EXOC4: variants seen among roughly 807,000 people sequenced by gnomAD.
The protein encoded by EXOC4 is exocyst complex component 4, also known as SEC8-like 1.
EXOC4 carries 71 observed loss-of-function variants against 107.2 expected under a neutral mutation model. That is an observed-to-expected ratio of 0.66 (90% confidence interval 0.55 to 0.81). EXOC4 has a LOEUF of 0.81. Ranked by LOEUF, EXOC4 falls within the 30% of genes least tolerant of loss-of-function variation. The pLI, the probability that EXOC4 is intolerant of heterozygous loss-of-function variation, is 0.00. For synonymous variants in EXOC4, 456 were observed against 441.2 expected, an observed-to-expected ratio of 1.03 and a Z score of -0.42; for missense variants, 1,108 against 1,189.6, an observed-to-expected ratio of 0.93 and a Z score of 1.01.
chr7:133,360,547 C>T (rs1796114734), intron 6 of EXOC4, among the ~76,000 whole-genome samples: 1 of 152,162 alleles, frequency 6.6e-6, no homozygotes. Flanking sequence ...TTAAAAGGTT[C>T]ATTGACTTCT....
chr7:133,267,574 C>T (rs993895945), intron 1 of EXOC4, among the ~76,000 whole-genome samples: 3 of 152,130 alleles, frequency 2.0e-5, no homozygotes, highest in African/African-American at 7.2e-5. Flanking sequence ...TTGGCTTTTG[C>T]GTAGCTGTTA....
intron 8 of EXOC4, among the ~76,000 whole-genome samples, chr7:133,476,913 G>A (rs1459383066): frequency 2.0e-5 from 3 of 152,154 alleles, no homozygotes; most frequent in African/African-American, 7.2e-5. Flanking sequence ...TTGCGATCAC[G>A]AGGTGTATCC....
chr7:133,468,337 T>C (rs971608279), intron 7 of EXOC4, among the ~76,000 whole-genome samples: 6 of 124,412 alleles, frequency 4.8e-5, no homozygotes, highest in African/African-American at 1.9e-4. Context: ...TTTCCTTTCC[T>C]TTCCTTACTG....
intron 15 of EXOC4, among the ~76,000 whole-genome samples, chr7:134,003,871 C>T (rs1293599104): frequency 4.6e-5 from 7 of 152,128 alleles, no homozygotes; most frequent in Non-Finnish European, 1.0e-4. Flanking sequence ...ATACCCACCT[C>T]AGACTTCCTC....
intron 10 of EXOC4, among the ~76,000 whole-genome samples, chr7:133,640,108 T>C (rs1272920176): frequency 1.3e-5 from 2 of 152,288 alleles, no homozygotes; most frequent in East Asian, 3.9e-4. Context: ...TACATGTGTA[T>C]ACATAAGTGT....
At chr7:133,480,399 A>G (rs2150859252) in intron 9 of EXOC4, 1 of 1,255,470 alleles carries the variant, frequency 8.0e-7, no homozygotes, top group Non-Finnish European at 1.0e-6. Flanking sequence ...CGTCTTGCTT[A>G]AACAGAAGAC....
intron 2 of EXOC4, among the ~76,000 whole-genome samples, chr7:133,283,408 C>A (rs1438435065): frequency 6.6e-6 from 1 of 152,170 alleles, no homozygotes; most frequent in African/African-American, 2.4e-5. Flanking sequence ...GAATGGTATT[C>A]CATTGTGCTT....
chr7:133,595,607 T>C (rs1182154596), intron 9 of EXOC4, among the ~76,000 whole-genome samples: 3 of 152,220 alleles, frequency 2.0e-5, no homozygotes, highest in African/African-American at 7.2e-5. Flanking sequence ...TTAATCCTTG[T>C]TATAGCCTTA....
At chr7:133,383,771 G>A (rs1047557243) in intron 7 of EXOC4, among the ~76,000 whole-genome samples, 8 of 152,090 alleles carry the variant, frequency 5.3e-5, no homozygotes, top group African/African-American at 1.2e-4. Flanking sequence ...GCCAGAAAAC[G>A]TATGAGAGTA....
intron 3 of EXOC4, among the ~76,000 whole-genome samples, chr7:133,297,481 C>T (rs1013862270): frequency 1.3e-5 from 2 of 152,168 alleles, no homozygotes; most frequent in Admixed American, 6.6e-5. Context: ...GATTTAAAAG[C>T]AAGAAGTTCT....
At chr7:133,612,409 G>T (rs1208877774) in intron 9 of EXOC4, among the ~76,000 whole-genome samples, 1 of 152,138 alleles carries the variant, frequency 6.6e-6, no homozygotes, top group Non-Finnish European at 1.5e-5. Context: ...TTACTCAGAA[G>T]GAGGTAGTTG....
chr7:133,446,091 C>CT (rs1798213799), intron 7 of EXOC4, among the ~76,000 whole-genome samples: 1 of 149,890 alleles, frequency 6.7e-6, no homozygotes, highest in Admixed American at 6.7e-5. Flanking sequence ...TCTTTTCTTT[C>CT]TTTAAGTCTC....
intron 9 of EXOC4, among the ~76,000 whole-genome samples, chr7:133,556,201 C>T (rs1800687479): frequency 6.6e-6 from 1 of 152,184 alleles, no homozygotes; most frequent in Non-Finnish European, 1.5e-5. Context: ...CAAATAGGTT[C>T]TAAACTAATT....
At chr7:133,565,113 A>G (rs1693168791) in intron 9 of EXOC4, among the ~76,000 whole-genome samples, 3 of 152,324 alleles carry the variant, frequency 2.0e-5, no homozygotes, top group East Asian at 1.9e-4. Flanking sequence ...TTTCAGAACC[A>G]TGGCAAAATG....
intron 11 of EXOC4, among the ~76,000 whole-genome samples, chr7:133,873,389 G>A (rs548956862): frequency 6.6e-6 from 1 of 152,308 alleles, no homozygotes; most frequent in South Asian, 2.1e-4. Flanking sequence ...CTCCCTCCTA[G>A]AGGATGGTTC....
chr7:133,948,695 A>C (rs1286564819), intron 14 of EXOC4, among the ~76,000 whole-genome samples: 1 of 152,190 alleles, frequency 6.6e-6, no homozygotes, highest in Admixed American at 6.5e-5. Flanking sequence ...ACTCATTCTT[A>C]ATCTCTTATC....
At chr7:133,507,355 CTT>C (rs1799686430) in intron 9 of EXOC4, among the ~76,000 whole-genome samples, 1 of 152,116 alleles carries the variant, frequency 6.6e-6, no homozygotes, top group African/African-American at 2.4e-5. Flanking sequence ...AACATGACTG[CTT>C]TTCTTCTTAA....
chr7:133,740,587 G>A (rs928118470), intron 10 of EXOC4, among the ~76,000 whole-genome samples: 7 of 152,068 alleles, frequency 4.6e-5, no homozygotes, highest in African/African-American at 9.7e-5. Context: ...TCTTTCCCAC[G>A]ATGACAATAT....
intron 9 of EXOC4, among the ~76,000 whole-genome samples, chr7:133,570,717 A>AT (rs952368078): frequency 2.7e-4 from 41 of 151,364 alleles, no homozygotes; most frequent in East Asian, 2.5e-3. Flanking sequence ...ACTCCTCAAT[A>AT]TTTTTTTTTG....
Sources: gnomAD v4.1 joint callset for allele counts (sites outside exome capture counted in the v4.1 genomes callset) on GRCh38, gnomAD v4.1.1 for gene constraint, MANE v1.5 for transcripts, NCBI Gene and HGNC (gene_info 2026-07-23, HGNC 2026-07-21) for gene names.